RNF149: variants seen among roughly 807,000 people sequenced by gnomAD.
The protein encoded by RNF149 is E3 ubiquitin-protein ligase RNF149.
Under a neutral mutation model 39.0 loss-of-function variants are expected in RNF149, and 21 were observed. The observed-to-expected ratio is 0.54, with a 90% confidence interval of 0.38 to 0.77. The LOEUF (loss-of-function observed/expected upper bound fraction) is 0.77. Among genes scored for constraint, RNF149 ranks in the 30% least tolerant of loss-of-function variants. The pLI is 0.00. For missense variants in RNF149, 493 were observed against 534.9 expected, an observed-to-expected ratio of 0.92 and a Z score of 0.77; for synonymous variants, 209 against 213.6, an observed-to-expected ratio of 0.98 and a Z score of 0.19.
chr2:101,301,266 A>T (rs1374027481), intron 1 of RNF149, among the ~76,000 whole-genome samples: 1 of 152,142 alleles, frequency 6.6e-6, no homozygotes, highest in Non-Finnish European at 1.5e-5. Context: ...ACTTAGCACA[A>T]TATCTTTGCA....
downstream of RNF149, chr2:101,271,600 C>CAAAAAAAA (rs5832957): frequency 7.7e-6 from 1 of 129,992 alleles, no homozygotes; most frequent in Non-Finnish European, 1.6e-5. Context: ...CCACTGCACT[C>CAAAAAAAA]AAAAAAAAAA....
At chr2:101,282,819 C>T (rs1219090198) in intron 5 of RNF149, among the ~76,000 whole-genome samples, 2 of 152,010 alleles carry the variant, frequency 1.3e-5, no homozygotes, top group African/African-American at 4.8e-5. Flanking sequence ...CACTCACGGG[C>T]ACCCCTCCTC....
At position 101,295,074 on chromosome 2, in the gene RNF149, G is replaced by A. The variant is rs745355722; in HGVS notation, c.568C>T (p.Arg190Trp). Residue 190 changes from arginine to tryptophan, a missense_variant, in exon 2 of 7, where the codon CGG becomes TGG. Arg to Trp is a moderately radical substitution (Grantham distance 101). Transcript: ENST00000295317. ...PVTMTIGVGT[R>W]HVQEFISGQS... ...CCGCTGATGAACTCCTGTACATGCCGGGTGCCAACCCCTATGGTCATCGTT... is the reference window on the plus strand; with the variant it reads ...CCGCTGATGAACTCCTGTACATGCCAGGTGCCAACCCCTATGGTCATCGTT... 23 of 1,614,012 alleles carry A rather than the reference G, an allele frequency of 1.4e-5. No homozygotes were observed. The highest frequency in any genetic ancestry group is 5.5e-5 in the South Asian group (5 of 91,070).
chr2:101,280,385 T>A (rs574951515), intron 6 of RNF149, among the ~76,000 whole-genome samples: 50 of 152,118 alleles, frequency 3.3e-4, no homozygotes, highest in Non-Finnish European at 6.2e-4. Context: ...AACAGATTAG[T>A]TAAATCTCCC....
At position 101,308,279 on chromosome 2, in the gene RNF149, G is replaced by A. The variant is rs756572047; in HGVS notation, c.310C>T (p.Arg104Ter). Residue 104 changes from arginine (R) to a stop codon, truncating the protein, a stop_gained, in exon 1 of 7, where the codon CGA (arginine) becomes TGA (stop). Transcript: ENST00000295317. LOFTEE classifies it high-confidence loss of function. ...TRFFVPEPGG[R>*]GAAPWVALVA... ...AGGGCGACCCAGGGCGCGGCCCCTC[G>A]GCCGCCGGGCTCGGGCACGAAGAAG... 1.3e-6 allele frequency: 2 copies of A among 1,576,776 alleles called. No homozygotes were observed. Among genetic ancestry groups the A allele is most frequent in the South Asian group, 1.1e-5 (1 of 88,064 alleles).
intron 1 of RNF149, among the ~76,000 whole-genome samples, chr2:101,303,706 C>T (rs995174261): frequency 6.6e-6 from 1 of 152,038 alleles, no homozygotes; most frequent in African/African-American, 2.4e-5. Context: ...ATTCTTATAC[C>T]TCTTATCAAT....
chr2:101,277,031 A>G lies in RNF149; in HGVS notation c.*207T>C. On this transcript the variant is annotated 3_prime_UTR_variant, in exon 7 of 7. Coordinates refer to ENST00000295317, the MANE Select transcript of RNF149 (RefSeq NM_173647.4). ...ACACACTGTTCATGGTAAACACTCT[A>G]TTTTAGTAGATAAATATATGAGGAC... 2.3e-6 allele frequency: 3 copies of G among 1,325,204 alleles called. No individual in the cohort carries two copies. The highest frequency in any genetic ancestry group is 2.9e-6 in the Non-Finnish European group (3 of 1,028,408). The allele number at this position is 1,325,204 out of a possible 1,614,324, so 82.1% of individuals were successfully genotyped here. A position where few individuals can be genotyped will look rare whatever the true frequency, so the allele number is the denominator to read the frequency against.
At chr2:101,273,225 G>C, downstream of RNF149, 3 of 883,982 alleles carry the variant, frequency 3.4e-6, no homozygotes, top group Non-Finnish European at 4.9e-6. Flanking sequence ...GAGGAAACAG[G>C]ACAGCAGGCA....
intron 3 of RNF149, among the ~76,000 whole-genome samples, chr2:101,292,723 G>A (rs187039054): frequency 3.4e-4 from 52 of 152,164 alleles, no homozygotes; most frequent in Admixed American, 2.2e-3. Context: ...CCGAGATTGC[G>A]CCACTGCACT....
rs1486403820 is a variant in RNF149, at chr2:101,276,706, T to G, written c.*532A>C. 8 of 985,464 alleles carry G rather than the reference T, an allele frequency of 8.1e-6. No individual in the cohort carries two copies. Among genetic ancestry groups the G allele is most frequent in the South Asian group, 9.4e-5 (2 of 21,302 alleles). The allele number at this position is 985,464 out of a possible 1,614,324, so 61.0% of individuals were successfully genotyped here. On this transcript the variant is annotated 3_prime_UTR_variant, in exon 7 of 7. Transcript: ENST00000295317. Reference sequence around the variant, plus strand: ...GAAAAAGTGCTCTCAGGTTTTGAAATCTTCACATACACTACAGATGGGCAA... The same window carrying G: ...GAAAAAGTGCTCTCAGGTTTTGAAAGCTTCACATACACTACAGATGGGCAA...
At chr2:101,298,274 A>AATTAGCTG (rs1295361753) in intron 1 of RNF149, among the ~76,000 whole-genome samples, 1 of 151,930 alleles carries the variant, frequency 6.6e-6, no homozygotes, top group Non-Finnish European at 1.5e-5. Flanking sequence ...GAAATACAAA[A>AATTAGCTG]ATTAGCTGGG....
At position 101,304,766 on chromosome 2, in the gene RNF149, G is replaced by C. The variant is rs578181888; in HGVS notation, c.460+3363C>G. On this transcript the variant is annotated intron_variant, in intron 1 of 6. Transcript: ENST00000295317. Reference sequence around the variant, plus strand: ...CAAAAGCATCTTGTACTGGATTCTAGTAGAGACGAGCAATAGGTTTCAGAA... The same window carrying C: ...CAAAAGCATCTTGTACTGGATTCTACTAGAGACGAGCAATAGGTTTCAGAA... 1.8e-4 allele frequency among the ~76,000 whole-genome samples: 27 copies of C among 151,390 alleles called. 1 individual carries two copies. The highest frequency in any genetic ancestry group is 3.4e-3 in the Middle Eastern group (1 of 292).
chr2:101,298,685 G>A lies in RNF149; in HGVS notation c.461-3504C>T, dbSNP rs141087159. Among the ~76,000 whole-genome samples, 186 of 152,002 alleles carry A rather than the reference G, an allele frequency of 1.2e-3. 4 individuals carry two copies. In the East Asian group the frequency reaches 0.03, roughly 25 times the overall value. On this transcript the variant is annotated intron_variant, in intron 1 of 6. Transcript: ENST00000295317. ...AAAACCCCAAAAAACAAAAAACAAC[G>A]AAAACCCAAAGACCTATATGCTCCC... is the stretch of plus-strand genomic sequence containing the variant.
At chr2:101,274,126 T>C (rs1188229801), downstream of RNF149, among the ~76,000 whole-genome samples, 2 of 152,092 alleles carry the variant, frequency 1.3e-5, no homozygotes, top group African/African-American at 2.4e-5. Context: ...TTCTTGCTGA[T>C]TGCTGATCTT....
rs1183184235 is a variant in RNF149 at position 101,275,833 on chromosome 2, ATTTCAAAGGTAATGGCTGT to A, written c.*1386_*1404del. ...ATTTATAATAAACTACAGAAGGTAGATTTCAAAGGTAATGGCTGTTATGGAAACCTACTTGAGGTTGTCT... is the reference window on the plus strand; with the variant it reads ...ATTTATAATAAACTACAGAAGGTAGATATGGAAACCTACTTGAGGTTGTCT... On this transcript the variant is annotated 3_prime_UTR_variant, in exon 7 of 7. Transcript: ENST00000295317. 1.0e-6 allele frequency: 1 copy of A among 979,712 alleles called. No homozygotes were observed. The highest frequency in any genetic ancestry group is 1.1e-4 in the East Asian group (1 of 8,798). The allele number at this position is 979,712 out of a possible 1,614,324, so 60.7% of individuals were successfully genotyped here.
At chr2:101,289,537 T>G (rs990640013) in intron 3 of RNF149, among the ~76,000 whole-genome samples, 2 of 151,870 alleles carry the variant, frequency 1.3e-5, no homozygotes, top group African/African-American at 4.8e-5. Flanking sequence ...AAACCTCATC[T>G]TTACTAAAAA....
At chr2:101,284,548 T>A (rs1043421159) in intron 5 of RNF149, among the ~76,000 whole-genome samples, 1 of 152,114 alleles carries the variant, frequency 6.6e-6, no homozygotes, top group Admixed American at 6.5e-5. Context: ...GCCATTGAAC[T>A]CCAGCCTCGG....
chr2:101,300,214 A>G (rs1683398429), intron 1 of RNF149, among the ~76,000 whole-genome samples: 1 of 152,214 alleles, frequency 6.6e-6, no homozygotes, highest in Non-Finnish European at 1.5e-5. Context: ...GAGGGTTTCT[A>G]GACTGTAGAC....
At chr2:101,296,883 C>T (rs989342218) in intron 1 of RNF149, among the ~76,000 whole-genome samples, 1 of 152,068 alleles carries the variant, frequency 6.6e-6, no homozygotes, top group Non-Finnish European at 1.5e-5. Flanking sequence ...TGAAAATTTT[C>T]ACCATGAGTA....
Sources: gnomAD v4.1 joint callset for allele counts (sites outside exome capture counted in the v4.1 genomes callset) on GRCh38, gnomAD v4.1.1 for gene constraint, MANE v1.5 for transcripts, NCBI Gene and HGNC (gene_info 2026-07-23, HGNC 2026-07-21) for gene names.